The following MAP2K5 variants were observed in gnomAD, a reference collection of about 807,000 sequenced individuals.
The protein encoded by MAP2K5 is mitogen-activated protein kinase kinase 5.
A neutral mutation model predicts 83.1 loss-of-function variants in MAP2K5; 49 were observed. That is an observed-to-expected ratio of 0.59 (90% confidence interval 0.47 to 0.75). MAP2K5 has a LOEUF of 0.75. Among genes scored for constraint, MAP2K5 ranks in the 30% least tolerant of loss-of-function variants. The pLI is 0.00. For synonymous variants in MAP2K5, 202 were observed against 191.8 expected (o/e 1.05, Z -0.44); for missense variants, 457 against 557.5 (o/e 0.82, Z 1.82).
At chr15:67,701,475 A>G (rs117789680) in intron 15 of MAP2K5, among the ~76,000 whole-genome samples, 98 of 152,340 alleles carry the variant, frequency 6.4e-4, no homozygotes, top group Non-Finnish European at 1.3e-3. Flanking sequence ...ATAATAAGAT[A>G]TGAACAGCAT....
At chr15:67,595,288 T>A (rs1385031589) in intron 7 of MAP2K5, among the ~76,000 whole-genome samples, 1 of 152,236 alleles carries the variant, frequency 6.6e-6, no homozygotes, top group Non-Finnish European at 1.5e-5. Flanking sequence ...ATTGATATAG[T>A]GTCAACAGTT....
intron 13 of MAP2K5, among the ~76,000 whole-genome samples, chr15:67,688,430 G>A (rs565792917): frequency 6.6e-6 from 1 of 152,348 alleles, no homozygotes; most frequent in South Asian, 2.1e-4. Context: ...TAGCATTGTT[G>A]AGGAAGGGGT....
At chr15:67,663,484 CA>C (rs1173564769) in intron 12 of MAP2K5, among the ~76,000 whole-genome samples, 6 of 152,240 alleles carry the variant, frequency 3.9e-5, no homozygotes, top group African/African-American at 1.4e-4. Flanking sequence ...ATCCGTTACT[CA>C]AGATGTAACA....
At chr15:67,621,491 C>T (rs1356931691) in intron 8 of MAP2K5, among the ~76,000 whole-genome samples, 1 of 122,308 alleles carries the variant, frequency 8.2e-6, no homozygotes, top group Non-Finnish European at 1.8e-5. Flanking sequence ...AACAATTCAA[C>T]AAAACCAAAA....
chr15:67,574,589 C>G (rs1467168830), intron 3 of MAP2K5, among the ~76,000 whole-genome samples: 1 of 140,784 alleles, frequency 7.1e-6, no homozygotes, highest in Non-Finnish European at 1.5e-5. Flanking sequence ...CAAAATAAGG[C>G]CAGGTGCTGT....
intron 3 of MAP2K5, among the ~76,000 whole-genome samples, chr15:67,569,321 A>G (rs922552219): frequency 5.9e-5 from 9 of 152,342 alleles, no homozygotes; most frequent in Middle Eastern, 6.8e-3. Flanking sequence ...ATTCAATGCA[A>G]TTTATCCAAA....
chr15:67,736,067 G>A lies in MAP2K5; in HGVS notation c.1074+8122G>A, dbSNP rs1028709731. Among the ~76,000 whole-genome samples, 6 of 152,186 alleles carry A rather than the reference G, an allele frequency of 3.9e-5. No homozygotes were observed. The highest frequency in any genetic ancestry group is 8.8e-5 in the Non-Finnish European group (6 of 68,046). ...CATTGTTACTTTCATTTCCCTAACAGCTTAGCAATTCTCCTAGGTAACTTT... is the reference window on the plus strand; with the variant it reads ...CATTGTTACTTTCATTTCCCTAACAACTTAGCAATTCTCCTAGGTAACTTT... On this transcript the variant is annotated intron_variant, in intron 17 of 21. Transcript: ENST00000178640. The surrounding 1 kb of genome is among the most constrained non-coding windows in gnomAD (Gnocchi z 4.3).
In MAP2K5 at chr15:67,543,100, T is replaced by C. The variant is rs1039108806; in HGVS notation, c.-236T>C. On this transcript the variant is annotated 5_prime_UTR_variant, in exon 1 of 22. Transcript: ENST00000178640. This position sits in a 1 kb window ranked among gnomAD's most constrained non-coding sequence, Gnocchi z 4.3. ...CTAGTTCCTGCGGGCCTTTGCCCGC[T>C]TCCCGGTGCACCCTCCCCGGGAGAC... The C allele has an allele frequency of 7.1e-6, 4 of 559,760 alleles. No individual in the cohort carries two copies. The highest frequency in any genetic ancestry group is 3.8e-5 in the African/African-American group (2 of 53,116). 34.7% of individuals were successfully genotyped at this position (559,760 alleles called of 1,614,324 possible).
Position 67,562,942 on chromosome 15 carries a change from G to T in MAP2K5, c.185-341G>T, listed in dbSNP as rs1466661838. The stretch of plus-strand genomic sequence containing the variant: ...TGGTGCTGTTTGGGAGATTTAAAAA[G>T]TGTGGATAGTAGAACAAGACTGGCC... On this transcript the variant is annotated intron_variant, in intron 2 of 21. Transcript: ENST00000178640. The surrounding 1 kb of genome is among the most constrained non-coding windows in gnomAD (Gnocchi z 4.1). Among the ~76,000 whole-genome samples the T allele has an allele frequency of 6.6e-6, 1 of 152,134 alleles. No homozygotes were observed. Among genetic ancestry groups the T allele is most frequent in the African/African-American group, 2.4e-5 (1 of 41,414 alleles).
intron 8 of MAP2K5, among the ~76,000 whole-genome samples, chr15:67,630,137 A>G (rs970489639): frequency 6.6e-6 from 1 of 152,166 alleles, no homozygotes; most frequent in South Asian, 2.1e-4. Flanking sequence ...AGGAGGCTGA[A>G]GTGAGAGGAT....
chr15:67,806,714 G>C lies in MAP2K5; in HGVS notation c.1311G>C (p.Ala437=), dbSNP rs548771533. 2 of 1,552,444 alleles carry C rather than the reference G, an allele frequency of 1.3e-6. No homozygotes were observed. The highest frequency in any genetic ancestry group is 4.9e-5 in the East Asian group (2 of 41,126). The change falls in exon 22 of 22, where the codon GCG becomes GCC. Residue 437 remains alanine, a synonymous_variant. Transcript: ENST00000178640. ...AAVVSMWVCR[A]LEERRSQQGP... The stretch of plus-strand genomic sequence containing the variant: ...TGGTGTCCATGTGGGTGTGCCGGGC[G>C]CTGGAGGAGAGGCGGAGCCAGCAGG...
intron 2 of MAP2K5, among the ~76,000 whole-genome samples, chr15:67,553,806 G>A (rs931055414): frequency 2.7e-5 from 4 of 150,834 alleles, no homozygotes; most frequent in East Asian, 2.0e-4. Context: ...CCAGCTACTC[G>A]GGAGGCTGAG....
intron 4 of MAP2K5, among the ~76,000 whole-genome samples, chr15:67,581,222 T>A (rs914927511): frequency 6.6e-6 from 1 of 152,206 alleles, no homozygotes; most frequent in Non-Finnish European, 1.5e-5. Flanking sequence ...GAAGATTTAC[T>A]GAGGTGTTAG....
At chr15:67,752,315 C>T (rs750616192) in intron 19 of MAP2K5, among the ~76,000 whole-genome samples, 1 of 151,866 alleles carries the variant, frequency 6.6e-6, no homozygotes, top group African/African-American at 2.4e-5. Context: ...GATCCGCCTA[C>T]CTTGGCCTCC....
In MAP2K5 at chr15:67,636,284, T is replaced by G. The variant is rs1319037820; in HGVS notation, c.585+5357T>G. Among the ~76,000 whole-genome samples, 1 of 152,078 alleles carries G rather than the reference T, an allele frequency of 6.6e-6. No individual in the cohort carries two copies. Among genetic ancestry groups the G allele is most frequent in the Non-Finnish European group, 1.5e-5 (1 of 68,014 alleles). On this transcript the variant is annotated intron_variant, in intron 9 of 21. Transcript: ENST00000178640. The surrounding 1 kb of genome is among the most constrained non-coding windows in gnomAD (Gnocchi z 4.7). ...TTAGCTGGCCGTGGTGTCGGGCGCT[T>G]GTAGTCCCAGCTACTCAGGAGGCTG...
chr15:67,789,216 A>G (rs1162603415), intron 21 of MAP2K5, among the ~76,000 whole-genome samples: 1 of 152,156 alleles, frequency 6.6e-6, no homozygotes, highest in Non-Finnish European at 1.5e-5. Context: ...ATAGTATTCC[A>G]TACTATGGAT....
intron 8 of MAP2K5, among the ~76,000 whole-genome samples, chr15:67,622,532 T>A (rs572964563): frequency 1.4e-5 from 2 of 143,828 alleles, no homozygotes; most frequent in African/African-American, 5.5e-5. Context: ...GCATGTGGAT[T>A]TTTTTTTTTG....
Position 67,719,938 on chromosome 15 carries a change from T to G in MAP2K5, c.1045-7978T>G, listed in dbSNP as rs2088914434. ...ATACCATGGAAAAAGACCTTTGCCA[T>G]TGTTTTTAACTGACTTTTAGAGATT... On this transcript the variant is annotated intron_variant, in intron 16 of 21. Transcript: ENST00000178640. This position sits in a 1 kb window ranked among gnomAD's most constrained non-coding sequence, Gnocchi z 4.6. 1.3e-5 allele frequency among the ~76,000 whole-genome samples: 2 copies of G among 152,214 alleles called. No individual in the cohort carries two copies. Among genetic ancestry groups the G allele is most frequent in the Non-Finnish European group, 2.9e-5 (2 of 68,034 alleles).
chr15:67,659,528 T>C (rs2087181552), intron 12 of MAP2K5, among the ~76,000 whole-genome samples: 1 of 152,152 alleles, frequency 6.6e-6, no homozygotes, highest in South Asian at 2.1e-4. Context: ...TCTTTTCTGA[T>C]GCTATTGCTC....
Sources: gnomAD v4.1 joint callset for allele counts (sites outside exome capture counted in the v4.1 genomes callset) on GRCh38, gnomAD v4.1.1 for gene constraint, Gnocchi (gnomAD v3.1) non-coding constraint, MANE v1.5 for transcripts, NCBI Gene and HGNC (gene_info 2026-07-23, HGNC 2026-07-21) for gene names.